PTPN13: variants seen among roughly 807,000 people sequenced by gnomAD.
The protein encoded by PTPN13 is tyrosine-protein phosphatase non-receptor type 13.
PTPN13 carries 191 observed loss-of-function variants against 284.0 expected under a neutral mutation model. The ratio of observed to expected loss-of-function variants is 0.67; its 90% CI spans 0.60 to 0.76. The LOEUF (loss-of-function observed/expected upper bound fraction) is 0.76, where lower values mean the gene tolerates loss of function less well. Among genes scored for constraint, PTPN13 ranks in the 30% least tolerant of loss-of-function variants. PTPN13 has a pLI of 0.00. For synonymous variants in PTPN13, 986 were observed against 1,022.3 expected (o/e 0.96, Z 0.68); for missense variants, 2,797 against 2,939.9 (o/e 0.95, Z 1.12).
chr4:86,620,930 T>G (rs1721157562), intron 1 of PTPN13, among the ~76,000 whole-genome samples: 1 of 152,226 alleles, frequency 6.6e-6, no homozygotes, highest in East Asian at 1.9e-4. Flanking sequence ...CTAAAGATTT[T>G]TATCTTTTTG....
intron 5 of PTPN13, among the ~76,000 whole-genome samples, chr4:86,692,612 C>G (rs1338266559): frequency 6.6e-6 from 1 of 152,138 alleles, no homozygotes; most frequent in Non-Finnish European, 1.5e-5. Flanking sequence ...AAACAGTGGT[C>G]TGTCCAGTTT....
intron 20 of PTPN13, among the ~76,000 whole-genome samples, chr4:86,755,320 T>C (rs1211735125): frequency 2.0e-5 from 3 of 151,954 alleles, no homozygotes; most frequent in African/African-American, 7.2e-5. Flanking sequence ...TTCTAATCCC[T>C]TGATAAATTG....
intron 27 of PTPN13, among the ~76,000 whole-genome samples, chr4:86,767,242 C>CT (rs71657583): frequency 0.06 from 7,553 of 126,698 alleles, 669 homozygotes; most frequent in African/African-American, 0.2. Flanking sequence ...CCACACCTGG[C>CT]TTTTTTTTTT....
Position 86,811,055 on chromosome 4 carries a change from T to C in PTPN13, c.7309T>C (p.Ser2437Pro). The C allele has an allele frequency of 6.2e-7, 1 of 1,613,454 alleles. No homozygotes were observed. The highest frequency in any genetic ancestry group is 1.3e-5 in the African/African-American group (1 of 75,042). Reference protein sequence around the residue: ...LISQDLDFDISDLVRCMRLQR... With the variant: ...LISQDLDFDIPDLVRCMRLQR... The stretch of plus-strand genomic sequence containing the variant: ...TGGTTTCCTCTGACAGTTTGACATC[T>C]CTGATTTGGTGCGCTGCATGAGACT... The change falls in exon 47 of 48, where the codon TCT (serine) becomes CCT (proline). Residue 2437 changes from serine to proline, a missense_variant. Coordinates refer to ENST00000411767, the MANE Select transcript of PTPN13 (RefSeq NM_080683.3).
chr4:86,798,989 T>C, intron 41 of PTPN13, 112 bp from the exon 42 acceptor site: 1 of 659,222 alleles, frequency 1.5e-6, no homozygotes, highest in South Asian at 2.4e-5. Context: ...TTGGTTTTCT[T>C]AGACATTCTA....
At chr4:86,726,828 A>G (rs960528824) in intron 10 of PTPN13, among the ~76,000 whole-genome samples, 1 of 149,220 alleles carries the variant, frequency 6.7e-6, no homozygotes, top group African/African-American at 2.4e-5. Context: ...TGATTGCCCT[A>G]ACCAGAACTT....
intron 32 of PTPN13, 100 bp downstream of exon 32, chr4:86,773,058 C>A: frequency 1.2e-6 from 1 of 849,406 alleles, no homozygotes; most frequent in Non-Finnish European, 1.7e-6. Context: ...TTTAAAATAG[C>A]TTCATATGTG....
At chr4:86,797,399 G>A (rs1381419484) in intron 41 of PTPN13, among the ~76,000 whole-genome samples, 1 of 152,060 alleles carries the variant, frequency 6.6e-6, no homozygotes, top group African/African-American at 2.4e-5. Flanking sequence ...GGCTGAGGCA[G>A]GAGAATTGCT....
chr4:86,634,553 G>A (rs1022848762), intron 1 of PTPN13, among the ~76,000 whole-genome samples: 4 of 152,032 alleles, frequency 2.6e-5, no homozygotes, highest in African/African-American at 9.7e-5. Context: ...ATATATCAAA[G>A]CATGTTCACA....
intron 20 of PTPN13, among the ~76,000 whole-genome samples, chr4:86,755,953 C>T (rs1737914002): frequency 6.6e-6 from 1 of 151,650 alleles, no homozygotes; most frequent in Non-Finnish European, 1.5e-5. Context: ...CTCCTCAAGC[C>T]ATTTTCTCTT....
intron 10 of PTPN13, among the ~76,000 whole-genome samples, chr4:86,731,663 A>G (rs2149126834): frequency 6.6e-6 from 1 of 152,072 alleles, no homozygotes; most frequent in South Asian, 2.1e-4. Flanking sequence ...TTTTTTTTAG[A>G]GGTAGGGTCT....
chr4:86,795,152 G>T (rs1371748923), intron 40 of PTPN13, among the ~76,000 whole-genome samples: 1 of 152,174 alleles, frequency 6.6e-6, no homozygotes, highest in Non-Finnish European at 1.5e-5. Flanking sequence ...ATCTGACAAA[G>T]GACTAATATC....
intron 3 of PTPN13, among the ~76,000 whole-genome samples, chr4:86,684,480 C>T (rs774328843): frequency 1.2e-4 from 19 of 152,008 alleles, no homozygotes; most frequent in Non-Finnish European, 1.3e-4. Context: ...AGGAAGGTCA[C>T]AGTGAGCCCT....
Position 86,775,484 on chromosome 4 carries a change from T to C in PTPN13, c.5723T>C (p.Val1908Ala), listed in dbSNP as rs771118182. 3 of 1,609,654 alleles carry C rather than the reference T, an allele frequency of 1.9e-6. No homozygotes were observed. In the South Asian group the frequency reaches 3.3e-5, roughly 18 times the overall value. ...GGTCATGACAGCCTTTATCAAGTGG[T>C]ATATATTAGTGATATTAATCCAAGG... is the stretch of plus-strand genomic sequence containing the variant. ...CGGHDSLYQVVYISDINPRSV... is the reference protein window; with the variant it reads ...CGGHDSLYQVAYISDINPRSV... Residue 1908 changes from valine to alanine, a missense_variant, in exon 35 of 48, where the codon GTA becomes GCA. Coordinates refer to ENST00000411767, the MANE Select transcript of PTPN13 (RefSeq NM_080683.3).
chr4:86,780,297 G>C, intron 35 of PTPN13, 105 bp from the exon 36 acceptor site: 2 of 878,234 alleles, frequency 2.3e-6, no homozygotes, highest in Non-Finnish European at 3.7e-6. Context: ...CTCCTTGGGA[G>C]GCTGAGGTGG....
chr4:86,674,668 G>A (rs1728082404), intron 3 of PTPN13, among the ~76,000 whole-genome samples: 1 of 152,086 alleles, frequency 6.6e-6, no homozygotes, highest in East Asian at 1.9e-4. Flanking sequence ...ATAAGGTAGG[G>A]GTAATGCTTA....
intron 25 of PTPN13, among the ~76,000 whole-genome samples, chr4:86,765,079 T>C (rs2149255832): frequency 6.6e-6 from 1 of 152,316 alleles, no homozygotes; most frequent in East Asian, 1.9e-4. Context: ...AATTAAAGAC[T>C]GTATATTTCT....
chr4:86,706,953 T>C (rs1259844263), intron 7 of PTPN13, among the ~76,000 whole-genome samples: 1 of 152,210 alleles, frequency 6.6e-6, no homozygotes, highest in Non-Finnish European at 1.5e-5. Flanking sequence ...TTTTATTTTC[T>C]ACCTCTTCAA....
intron 2 of PTPN13, among the ~76,000 whole-genome samples, chr4:86,641,688 G>A (rs969487488): frequency 6.6e-6 from 1 of 152,162 alleles, no homozygotes; most frequent in Non-Finnish European, 1.5e-5. Flanking sequence ...GGTGATGAAA[G>A]GTGGTTCCCC....
Sources: allele counts gnomAD v4.1 joint callset (sites outside exome capture counted in the v4.1 genomes callset), GRCh38; gene constraint gnomAD v4.1.1; transcripts MANE v1.5; gene names NCBI Gene and HGNC (gene_info 2026-07-23, HGNC 2026-07-21).